The following DAB2IP variants were observed in gnomAD, a reference collection of about 807,000 sequenced individuals.
DAB2IP encodes disabled homolog 2-interacting protein.
DAB2IP carries 28 observed loss-of-function variants against 107.2 expected under a neutral mutation model. The ratio of observed to expected loss-of-function variants is 0.26; its 90% confidence interval spans 0.19 to 0.36. DAB2IP has a LOEUF of 0.36. Among genes scored for constraint, DAB2IP ranks in the 10% least tolerant of loss-of-function variants. DAB2IP has a pLI of 1.00. For synonymous variants in DAB2IP, 755 were observed against 706.4 expected (o/e 1.07, Z -1.09); for missense variants, 1,400 against 1,644.7 (o/e 0.85, Z 2.57).
chr9:121,649,721 A>G (rs1198776446), upstream of DAB2IP, among the ~76,000 whole-genome samples: 1 of 152,224 alleles, frequency 6.6e-6, no homozygotes, highest in Non-Finnish European at 1.5e-5. Context: ...CACCTACGTG[A>G]GGAGGCACTG....
At chr9:121,759,148 C>T (rs564851089) in intron 5 of DAB2IP, 152 bp downstream of exon 5, 824 of 725,624 alleles carry the variant, frequency 1.1e-3, no homozygotes, top group Non-Finnish European at 1.6e-3. Context: ...TTGGTGGACT[C>T]TGAAAGAGAC....
At chr9:121,716,803 G>T (rs1389287797) in intron 3 of DAB2IP, among the ~76,000 whole-genome samples, 1 of 152,198 alleles carries the variant, frequency 6.6e-6, no homozygotes, top group Admixed American at 6.5e-5. Context: ...TTGCACCAAG[G>T]TAGGCGTGGT....
chr9:121,676,200 C>T (rs959446759), intron 1 of DAB2IP, among the ~76,000 whole-genome samples: 1 of 152,208 alleles, frequency 6.6e-6, no homozygotes, highest in African/African-American at 2.4e-5. Context: ...AGCCAAGGCT[C>T]AGGATGAAGC....
At chr9:121,605,774 G>A (rs1281754980) in intron 1 of DAB2IP, among the ~76,000 whole-genome samples, 1 of 152,130 alleles carries the variant, frequency 6.6e-6, no homozygotes, top group African/African-American at 2.4e-5. Flanking sequence ...CCAAAGTGCT[G>A]GGGTTGTATG....
intron 1 of DAB2IP, among the ~76,000 whole-genome samples, chr9:121,596,433 T>C (rs572724276): frequency 3.9e-5 from 6 of 152,338 alleles, no homozygotes; most frequent in African/African-American, 1.4e-4. Flanking sequence ...TAGTATTACC[T>C]GAGCACAGGA....
At chr9:121,622,021 C>G (rs185135337) in intron 1 of DAB2IP, among the ~76,000 whole-genome samples, 2,812 of 128,610 alleles carry the variant, frequency 0.022, 41 homozygotes, top group Non-Finnish European at 0.029. Flanking sequence ...TGGAGTCTCG[C>G]TCTGTCGCCC....
intron 3 of DAB2IP, among the ~76,000 whole-genome samples, chr9:121,721,272 G>A (rs1308351597): frequency 1.3e-5 from 2 of 152,238 alleles, no homozygotes; most frequent in Non-Finnish European, 2.9e-5. Context: ...TGTGGGACCA[G>A]GACCCCAGGA....
At chr9:121,652,544 C>G (rs748349474) in intron 1 of DAB2IP, among the ~76,000 whole-genome samples, 2 of 152,100 alleles carry the variant, frequency 1.3e-5, no homozygotes, top group Non-Finnish European at 2.9e-5. Context: ...ACTTCCTTCC[C>G]TGGCTGAGTA....
upstream of DAB2IP, among the ~76,000 whole-genome samples, chr9:121,649,226 C>T (rs1483064801): frequency 1.9e-5 from 2 of 102,804 alleles, no homozygotes. Flanking sequence ...CTAGCTGACC[C>T]TCCTTCCTCC....
intron 1 of DAB2IP, among the ~76,000 whole-genome samples, chr9:121,585,237 GCA>G (rs1295885128): frequency 6.6e-6 from 1 of 152,196 alleles, no homozygotes; most frequent in Admixed American, 6.5e-5. Flanking sequence ...GTCAATGAGA[GCA>G]CAGAGTCGAG....
chr9:121,767,220 A>C (rs961054767), intron 9 of DAB2IP, among the ~76,000 whole-genome samples: 1 of 152,222 alleles, frequency 6.6e-6, no homozygotes, highest in Non-Finnish European at 1.5e-5. Context: ...TCCTTAGAGC[A>C]AGTGGGCAGA....
chr9:121,605,274 G>T (rs1031231516), intron 1 of DAB2IP, among the ~76,000 whole-genome samples: 14 of 152,094 alleles, frequency 9.2e-5, no homozygotes, highest in African/African-American at 3.1e-4. Flanking sequence ...ACCCGCCTCA[G>T]GCTCCCAAAG....
At chr9:121,636,245 CAGAGG>C (rs1832083812) in intron 1 of DAB2IP, among the ~76,000 whole-genome samples, 1 of 152,144 alleles carries the variant, frequency 6.6e-6, no homozygotes, top group East Asian at 1.9e-4. Context: ...GGCTGCACTG[CAGAGG>C]TCACCCCCCT....
intron 2 of DAB2IP, among the ~76,000 whole-genome samples, chr9:121,695,756 G>A (rs921647048): frequency 6.6e-6 from 1 of 152,190 alleles, no homozygotes; most frequent in Non-Finnish European, 1.5e-5. Context: ...CACTACAAAC[G>A]GAGTGTTTTT....
intron 1 of DAB2IP, among the ~76,000 whole-genome samples, chr9:121,641,460 C>G (rs1832283031): frequency 1.3e-5 from 2 of 152,210 alleles, no homozygotes; most frequent in South Asian, 4.1e-4. Context: ...GACACAGAGG[C>G]TCTGAGTGTC....
chr9:121,596,272 G>A (rs772145592), intron 1 of DAB2IP, among the ~76,000 whole-genome samples: 10 of 152,068 alleles, frequency 6.6e-5, no homozygotes, highest in Admixed American at 6.5e-5. Flanking sequence ...CAGAGGTTGC[G>A]GTGAACTGAG....
chr9:121,650,249 C>T (rs1482564957), upstream of DAB2IP, among the ~76,000 whole-genome samples: 1 of 152,194 alleles, frequency 6.6e-6, no homozygotes, highest in East Asian at 1.9e-4. Context: ...CTCTGGACTC[C>T]TCAGACTGAG....
intron 6 of DAB2IP, 38 bp from the exon 7 acceptor site, chr9:121,763,467 A>G (rs1036335863): frequency 2.6e-5 from 41 of 1,583,472 alleles, no homozygotes; most frequent in Non-Finnish European, 3.3e-5. Flanking sequence ...ATGCCAGGCC[A>G]GCTCAGGTCC....
At chr9:121,578,874 G>A (rs1379311310) in intron 1 of DAB2IP, among the ~76,000 whole-genome samples, 3 of 151,720 alleles carry the variant, frequency 2.0e-5, no homozygotes, top group Non-Finnish European at 4.4e-5. Flanking sequence ...CCGAGTAGCT[G>A]GGATTCCCAG....
Sources: allele counts gnomAD v4.1 joint callset (sites outside exome capture counted in the v4.1 genomes callset), GRCh38; gene constraint gnomAD v4.1.1; transcripts MANE v1.5; gene names NCBI Gene and HGNC (gene_info 2026-07-23, HGNC 2026-07-21).